Variants in CBLN2 observed in about 807,000 individuals in gnomAD.
CBLN2 encodes the protein cerebellin-2.
Under a neutral mutation model 15.0 loss-of-function variants are expected in CBLN2, and 7 were observed. That is an observed-to-expected ratio of 0.47 (90% CI 0.27 to 0.88). CBLN2 has a LOEUF of 0.88. Ranked by LOEUF, CBLN2 falls within the 40% of genes least tolerant of loss-of-function variation. CBLN2 has a pLI of 0.14. For synonymous variants in CBLN2, 149 were observed against 135.2 expected, an observed-to-expected ratio of 1.10 and a Z score of -0.71; for missense variants, 242 against 304.5, an observed-to-expected ratio of 0.79 and a Z score of 1.53.
chr18:72,597,633 A>G (rs1477698432), intron 1 of CBLN2, among the ~76,000 whole-genome samples: 1 of 152,170 alleles, frequency 6.6e-6, no homozygotes, highest in Non-Finnish European at 1.5e-5. Flanking sequence ...TCAGGGAGAC[A>G]AGTTCCCCCT....
At chr18:72,609,672 G>T (rs746801901) in intron 1 of CBLN2, among the ~76,000 whole-genome samples, 4 of 152,268 alleles carry the variant, frequency 2.6e-5, no homozygotes, top group South Asian at 2.1e-4. Flanking sequence ...TTCAAAGGAG[G>T]TTTCAATTTG....
chr18:72,545,132 AG>A (rs917757625), upstream of CBLN2, among the ~76,000 whole-genome samples: 2 of 152,142 alleles, frequency 1.3e-5, no homozygotes, highest in South Asian at 2.1e-4. Context: ...CTTTTCAGGT[AG>A]GGGGTTTTGA....
In CBLN2 at chr18:72,609,532, C is replaced by T. The variant is rs182519290; in HGVS notation, c.15+28793G>A. ...AACTGCAAGAAAAAACTTTATTTCG[C>T]TTAAACCACCCAGACTGTGGTACTT... On this transcript the variant is annotated intron_variant, in intron 1 of 2. Transcript: ENST00000581073. 1.6e-4 allele frequency among the ~76,000 whole-genome samples: 25 copies of T among 152,238 alleles called. No individual in the cohort carries two copies. In the East Asian group the frequency reaches 4.5e-3, roughly 27 times the overall value.
At position 72,595,331 on chromosome 18, in the gene CBLN2, T is replaced by C. The variant is rs143671699; in HGVS notation, c.15+42994A>G. ...ATTCTTTAATTTTTGTGTGTTTGCA[T>C]AGCTTTCAAAACTCCTCTTGTTATT... On this transcript the variant is annotated intron_variant, in intron 1 of 2. Coordinates refer to the CBLN2 transcript ENST00000581073. Among the ~76,000 whole-genome samples, 418 of 152,224 alleles carry C rather than the reference T, an allele frequency of 2.7e-3. 3 individuals are homozygous for C. Among genetic ancestry groups the C allele is most frequent in the Non-Finnish European group, 4.7e-3 (320 of 67,966 alleles).
chr18:72,637,040 G>T (rs1225800914), intron 1 of CBLN2, among the ~76,000 whole-genome samples: 1 of 98,546 alleles, frequency 1.0e-5, no homozygotes. Context: ...AAACAAAACT[G>T]CAAAAAAAAA....
chr18:72,537,952 C>T lies in CBLN2; in HGVS notation c.*224G>A, dbSNP rs572397653. ...CGATAATTTCATTTCTCCTTAAGACCTTGTCATCTAAAACTAATTAGAGGC... is the reference window on the plus strand; with the variant it reads ...CGATAATTTCATTTCTCCTTAAGACTTTGTCATCTAAAACTAATTAGAGGC... On this transcript the variant is annotated 3_prime_UTR_variant, in exon 5 of 5. Transcript: ENST00000269503. 1.5e-3 allele frequency: 879 copies of T among 585,260 alleles called. 2 individuals are homozygous for T. The highest frequency in any genetic ancestry group is 2.3e-3 in the Non-Finnish European group (760 of 328,660). 36.3% of individuals were successfully genotyped at this position (585,260 alleles called of 1,614,324 possible).
At chr18:72,619,210 G>C in intron 1 of CBLN2, 1 of 932,014 alleles carries the variant, frequency 1.1e-6, no homozygotes, top group Non-Finnish European at 1.7e-6. Flanking sequence ...TATGGCAGTG[G>C]CAGAAGATTT....
At chr18:72,618,574 G>T (rs1456462085) in intron 1 of CBLN2, 21 of 835,558 alleles carry the variant, frequency 2.5e-5, no homozygotes, top group African/African-American at 5.0e-5. Flanking sequence ...CCACTTAACT[G>T]TGAAAAGTAT....
At chr18:72,563,992 C>T (rs1051479288) in intron 1 of CBLN2, among the ~76,000 whole-genome samples, 8 of 152,118 alleles carry the variant, frequency 5.3e-5, no homozygotes, top group African/African-American at 9.7e-5. Context: ...CATGTCCACT[C>T]GAAACCAAAG....
chr18:72,561,925 A>C (rs2069264221), intron 1 of CBLN2, among the ~76,000 whole-genome samples: 1 of 152,214 alleles, frequency 6.6e-6, no homozygotes, highest in Non-Finnish European at 1.5e-5. Context: ...GTGTGATTTT[A>C]TAAACTTTGG....
chr18:72,611,562 A>G (rs192237825), intron 1 of CBLN2, among the ~76,000 whole-genome samples: 98 of 152,162 alleles, frequency 6.4e-4, no homozygotes, highest in African/African-American at 2.3e-3. Context: ...GTGTCTGTTC[A>G]TGTCTTTTGC....
intron 1 of CBLN2, among the ~76,000 whole-genome samples, chr18:72,622,418 TG>T (rs1315579556): frequency 6.6e-6 from 1 of 151,916 alleles, no homozygotes; most frequent in Non-Finnish European, 1.5e-5. Flanking sequence ...CTTGGAAACC[TG>T]GCCTGGCACT....
intron 1 of CBLN2, chr18:72,618,884 G>C: frequency 1.4e-6 from 1 of 727,718 alleles, no homozygotes; most frequent in East Asian, 2.6e-5. Flanking sequence ...GGTGGTCATG[G>C]AGGTGGCTTT....
chr18:72,591,091 G>A (rs11664008), intron 1 of CBLN2, among the ~76,000 whole-genome samples: 80,638 of 151,936 alleles, frequency 0.53, 25,794 homozygotes, highest in Non-Finnish European at 0.73. Flanking sequence ...CCAAGAGCCA[G>A]TGTGACTGGT....
chr18:72,573,223 G>C (rs1002765865), intron 1 of CBLN2, among the ~76,000 whole-genome samples: 7 of 152,172 alleles, frequency 4.6e-5, no homozygotes, highest in African/African-American at 1.7e-4. Flanking sequence ...ACAGACGCAA[G>C]TTTTGTTGCT....
intron 1 of CBLN2, among the ~76,000 whole-genome samples, chr18:72,593,906 G>A (rs1046527144): frequency 1.3e-5 from 2 of 152,112 alleles, no homozygotes; most frequent in Admixed American, 1.3e-4. Flanking sequence ...GTGATAGACT[G>A]GATAAAGAAA....
chr18:72,627,470 T>C (rs942325464), intron 1 of CBLN2, among the ~76,000 whole-genome samples: 2 of 152,226 alleles, frequency 1.3e-5, no homozygotes, highest in African/African-American at 4.8e-5. Flanking sequence ...TATGCGTTGC[T>C]CAAATACTCT....
intron 1 of CBLN2, chr18:72,620,143 T>G (rs1217475858): frequency 2.0e-5 from 3 of 152,368 alleles, no homozygotes; most frequent in Non-Finnish European, 4.4e-5. Flanking sequence ...CTTTCAGCTC[T>G]GTCATCCATC....
chr18:72,557,333 G>T (rs913627942), intron 1 of CBLN2, among the ~76,000 whole-genome samples: 1 of 152,028 alleles, frequency 6.6e-6, no homozygotes, highest in Non-Finnish European at 1.5e-5. Context: ...GAACAGTGTG[G>T]CAATGAACAT....
Sources: gnomAD v4.1 joint callset for allele counts (sites outside exome capture counted in the v4.1 genomes callset) on GRCh38, gnomAD v4.1.1 for gene constraint, MANE v1.5 for transcripts, NCBI Gene and HGNC (gene_info 2026-07-23, HGNC 2026-07-21) for gene names.